The following GRM8 variants were observed in gnomAD, a reference collection of about 807,000 sequenced individuals.
GRM8 encodes the protein glutamate metabotropic receptor 8, also known as metabotropic glutamate receptor 8.
In GRM8, 47 loss-of-function variants were observed where a neutral mutation model predicts 87.2. That is an observed-to-expected ratio of 0.54 (90% CI 0.43 to 0.69). GRM8 has a LOEUF of 0.69. GRM8 is among the 30% of genes least tolerant of loss of function. The pLI is 0.00. For synonymous variants in GRM8, 396 were observed against 404.5 expected (o/e 0.98, Z 0.25); for missense variants, 1,019 against 1,139.2 (o/e 0.89, Z 1.52).
intron 3 of GRM8, among the ~76,000 whole-genome samples, chr7:127,033,692 T>C (rs1817596222): frequency 6.6e-6 from 1 of 152,144 alleles, no homozygotes; most frequent in African/African-American, 2.4e-5. Flanking sequence ...CAGAACACTA[T>C]ATACACTTCT....
chr7:127,157,914 GAAGATGA>G (rs1792840058), intron 2 of GRM8, among the ~76,000 whole-genome samples: 1 of 152,090 alleles, frequency 6.6e-6, no homozygotes. Context: ...AGTGATCAGA[GAAGATGA>G]AAGAGAAAGA....
chr7:126,707,583 C>T (rs1053180952), intron 7 of GRM8, among the ~76,000 whole-genome samples: 2 of 152,154 alleles, frequency 1.3e-5, no homozygotes, highest in African/African-American at 2.4e-5. Context: ...GTACAGCCCC[C>T]TGATGGAACT....
intron 7 of GRM8, among the ~76,000 whole-genome samples, chr7:126,619,954 A>T (rs1176049576): frequency 6.6e-6 from 1 of 152,162 alleles, no homozygotes. Flanking sequence ...GCCTCCCAAA[A>T]TGCCAGAATT....
chr7:126,658,221 T>C (rs1804753939), intron 7 of GRM8, among the ~76,000 whole-genome samples: 1 of 152,186 alleles, frequency 6.6e-6, no homozygotes, highest in Non-Finnish European at 1.5e-5. Context: ...CCATCAGCCA[T>C]GAGCTGAGTT....
At chr7:126,527,981 G>A (rs921637346) in intron 9 of GRM8, among the ~76,000 whole-genome samples, 5 of 152,148 alleles carry the variant, frequency 3.3e-5, no homozygotes, top group South Asian at 2.1e-4. Context: ...TAAGGCGGGC[G>A]GATCATGAGG....
chr7:126,867,342 A>G (rs975451753), intron 6 of GRM8, among the ~76,000 whole-genome samples: 3 of 152,170 alleles, frequency 2.0e-5, no homozygotes, highest in Non-Finnish European at 4.4e-5. Flanking sequence ...CCTTGTTCCA[A>G]ACATTCGCTG....
intron 3 of GRM8, among the ~76,000 whole-genome samples, chr7:126,988,571 G>T (rs1287926475): frequency 1.3e-5 from 2 of 152,116 alleles, no homozygotes; most frequent in African/African-American, 2.4e-5. Flanking sequence ...ACTCTATTGG[G>T]TGTTCTTGTA....
chr7:126,929,978 C>T (rs1805593242), intron 3 of GRM8, among the ~76,000 whole-genome samples: 1 of 151,992 alleles, frequency 6.6e-6, no homozygotes, highest in Admixed American at 6.6e-5. Context: ...TTATACTATA[C>T]TTTCATGTAT....
At chr7:126,642,832 A>T (rs1802552137) in intron 7 of GRM8, among the ~76,000 whole-genome samples, 1 of 152,104 alleles carries the variant, frequency 6.6e-6, no homozygotes, top group South Asian at 2.1e-4. Context: ...CTCAAGAGCC[A>T]GGTGATTCTG....
At chr7:127,229,723 T>C (rs1797562229) in intron 2 of GRM8, 1 of 152,160 alleles carries the variant, frequency 6.6e-6, no homozygotes, top group South Asian at 2.1e-4. Context: ...TCAAAACCCT[T>C]TACACTTGGA....
chr7:127,231,844 A>C (rs1290515537), intron 2 of GRM8, among the ~76,000 whole-genome samples: 1 of 148,820 alleles, frequency 6.7e-6, no homozygotes, highest in African/African-American at 2.5e-5. Flanking sequence ...GGCCTCTGTA[A>C]GCCAGAATTG....
Position 126,758,469 on chromosome 7 carries a change from C to A in GRM8, c.1357+11396G>T, listed in dbSNP as rs961010418. Among the ~76,000 whole-genome samples the A allele has an allele frequency of 2.6e-5, 4 of 152,202 alleles. No individual in the cohort carries two copies. In the East Asian group the frequency reaches 7.7e-4, roughly 29 times the overall value. On this transcript the variant is annotated intron_variant, in intron 7 of 10. Transcript: ENST00000339582. ...AGTTCACGATCCTAGCCTCTTACTA[C>A]TCTCTCGGTTACTGAGTGATCACAA...
At chr7:127,145,316 CAG>C (rs1468275045) in intron 2 of GRM8, among the ~76,000 whole-genome samples, 4 of 152,088 alleles carry the variant, frequency 2.6e-5, no homozygotes, top group African/African-American at 9.7e-5. Flanking sequence ...TCAAGTTCCT[CAG>C]AGTTATGAAC....
intron 6 of GRM8, among the ~76,000 whole-genome samples, chr7:126,884,536 T>G (rs1478695392): frequency 6.6e-6 from 1 of 152,178 alleles, no homozygotes; most frequent in Non-Finnish European, 1.5e-5. Flanking sequence ...TATTGCATCA[T>G]AGCCCAATTT....
At chr7:127,124,454 C>T (rs2133195304) in intron 2 of GRM8, among the ~76,000 whole-genome samples, 1 of 152,284 alleles carries the variant, frequency 6.6e-6, no homozygotes, top group African/African-American at 2.4e-5. Context: ...TTTGTCATCT[C>T]CTCTAGTTCA....
chr7:127,037,480 T>G (rs905162331), intron 3 of GRM8, among the ~76,000 whole-genome samples: 1 of 152,184 alleles, frequency 6.6e-6, no homozygotes, highest in Non-Finnish European at 1.5e-5. Context: ...GACTGTGACA[T>G]GCTGGTCCCT....
At chr7:126,617,281 G>A (rs1799606929) in intron 7 of GRM8, among the ~76,000 whole-genome samples, 1 of 152,176 alleles carries the variant, frequency 6.6e-6, no homozygotes, top group Non-Finnish European at 1.5e-5. Flanking sequence ...AAAGCCACAT[G>A]ATTATCTCAA....
At chr7:126,885,834 CA>C in intron 6 of GRM8, among the ~76,000 whole-genome samples, 1 of 152,182 alleles carries the variant, frequency 6.6e-6, no homozygotes, top group Non-Finnish European at 1.5e-5. Flanking sequence ...GAAATAAAAA[CA>C]GGAAATCCAA....
intron 9 of GRM8, among the ~76,000 whole-genome samples, chr7:126,475,743 C>CATTACAA (rs1805822384): frequency 6.6e-6 from 1 of 152,074 alleles, no homozygotes; most frequent in African/African-American, 2.4e-5. Flanking sequence ...GTAATCAAAA[C>CATTACAA]AGCATGGTGC....
Sources: allele counts gnomAD v4.1 joint callset (sites outside exome capture counted in the v4.1 genomes callset), GRCh38; gene constraint gnomAD v4.1.1; transcripts MANE v1.5; gene names NCBI Gene and HGNC (gene_info 2026-07-23, HGNC 2026-07-21).